Variants in ELAVL4 observed in about 807,000 individuals in gnomAD.
The protein encoded by ELAVL4 is ELAV-like protein 4.
In ELAVL4, 1 loss-of-function variant was observed where a neutral mutation model predicts 35.6. That is an observed-to-expected ratio of 0.03 (90% confidence interval 0.01 to 0.13). ELAVL4 has a LOEUF of 0.13. ELAVL4 is among the 10% of genes least tolerant of loss of function. The probability of loss-of-function intolerance (pLI) is 1.00; values close to 1 mark genes in which losing one functional copy is unlikely to be tolerated. For synonymous variants in ELAVL4, 156 were observed against 171.0 expected (o/e 0.91, Z 0.69); for missense variants, 267 against 464.9 (o/e 0.57, Z 3.91).
chr1:50,117,985 G>C (rs1275420242), intron 1 of ELAVL4, among the ~76,000 whole-genome samples: 1 of 152,030 alleles, frequency 6.6e-6, no homozygotes, highest in Non-Finnish European at 1.5e-5. Flanking sequence ...GAATTCACTT[G>C]GGATTTAGTT....
intron 2 of ELAVL4, chr1:50,174,261 C>T (rs1679573060): frequency 6.6e-6 from 1 of 152,116 alleles, no homozygotes; most frequent in Admixed American, 6.5e-5. Context: ...TGGTGAGAAG[C>T]ATGTTAAGAA....
chr1:50,149,329 C>T (rs937326671), intron 2 of ELAVL4, among the ~76,000 whole-genome samples: 4 of 150,796 alleles, frequency 2.7e-5, no homozygotes, highest in Admixed American at 6.6e-5. Flanking sequence ...ATCTGGGAGG[C>T]GGAGGTTGCA....
chr1:50,130,914 A>C (rs1405030974), intron 1 of ELAVL4, among the ~76,000 whole-genome samples: 1 of 152,194 alleles, frequency 6.6e-6, no homozygotes, highest in Non-Finnish European at 1.5e-5. Context: ...ATATACCTGT[A>C]ACTAAAGAAA....
chr1:50,126,349 A>G (rs1669912933), intron 1 of ELAVL4, among the ~76,000 whole-genome samples: 1 of 152,132 alleles, frequency 6.6e-6, no homozygotes. Flanking sequence ...CTCTGTGAAG[A>G]AAAGCACTTG....
intron 2 of ELAVL4, among the ~76,000 whole-genome samples, chr1:50,161,522 A>G (rs1229600720): frequency 1.3e-5 from 2 of 152,092 alleles, no homozygotes; most frequent in East Asian, 3.9e-4. Context: ...ACCAGCTTTT[A>G]TCTTACAAAT....
chr1:50,056,656 G>T (rs753661747), intron 1 of ELAVL4, among the ~76,000 whole-genome samples: 2 of 152,288 alleles, frequency 1.3e-5, no homozygotes, highest in African/African-American at 4.8e-5. Flanking sequence ...ATGTACACCG[G>T]CCGGGTGAGG....
At chr1:50,098,337 C>G (rs1185254245) in intron 1 of ELAVL4, among the ~76,000 whole-genome samples, 1 of 151,980 alleles carries the variant, frequency 6.6e-6, no homozygotes, top group African/African-American at 2.4e-5. Flanking sequence ...TCTATAATGA[C>G]CTAGGATTAA....
chr1:50,174,145 G>GT (rs1254247196), intron 2 of ELAVL4, among the ~76,000 whole-genome samples: 7 of 152,202 alleles, frequency 4.6e-5, no homozygotes, highest in East Asian at 3.9e-4. Flanking sequence ...TAAAGCTTGG[G>GT]TTTTTTTATT....
chr1:50,146,167 TA>T (rs1049865510), intron 2 of ELAVL4, among the ~76,000 whole-genome samples: 14 of 143,938 alleles, frequency 9.7e-5, no homozygotes, highest in African/African-American at 2.3e-4. Flanking sequence ...TTTTTTTTTT[TA>T]AAAAGGAAGC....
Position 50,073,524 on chromosome 1 carries a change from A to G in ELAVL4, c.18+25342A>G, listed in dbSNP as rs558941874. ...TGTTGAGGTCTGCAAGATGCTAAAT[A>G]AGGATTCGAGTAAAATGCTTTGCAA... On this transcript the variant is annotated intron_variant, in intron 1 of 6. Coordinates refer to the ELAVL4 transcript ENST00000448907. Among the ~76,000 whole-genome samples, 7 of 152,278 alleles carry G rather than the reference A, an allele frequency of 4.6e-5. No homozygotes were observed. In the South Asian group the frequency reaches 1.5e-3, roughly 32 times the overall value.
chr1:50,107,976 A>C (rs1398122420), upstream of ELAVL4, among the ~76,000 whole-genome samples: 2 of 152,248 alleles, frequency 1.3e-5, no homozygotes, highest in African/African-American at 2.4e-5. Context: ...GGAGAGAAGC[A>C]AAATCACTTA....
chr1:50,173,231 A>T (rs1487630483), intron 2 of ELAVL4, among the ~76,000 whole-genome samples: 1 of 152,196 alleles, frequency 6.6e-6, no homozygotes, highest in Non-Finnish European at 1.5e-5. Context: ...AATTATTATA[A>T]CAGAATAAAG....
At chr1:50,153,456 T>C (rs1192478898) in intron 2 of ELAVL4, among the ~76,000 whole-genome samples, 2 of 152,240 alleles carry the variant, frequency 1.3e-5, no homozygotes, top group East Asian at 1.9e-4. Context: ...GGTTAGGGCA[T>C]CTGACTGCAA....
chr1:50,195,477 A>G (rs1643991475), intron 4 of ELAVL4, 84 bp from the exon 5 acceptor site: 2 of 1,485,866 alleles, frequency 1.3e-6, no homozygotes, highest in Non-Finnish European at 1.9e-6. Flanking sequence ...TCCTCACACA[A>G]TATCCACAGG....
intron 2 of ELAVL4, among the ~76,000 whole-genome samples, chr1:50,159,039 C>CAAA (rs57361277): frequency 2.7e-5 from 2 of 74,892 alleles, no homozygotes; most frequent in Admixed American, 1.5e-4. Flanking sequence ...GACTCCTTCT[C>CAAA]AAAAAAAAAA....
chr1:50,057,436 A>C (rs1324998573), intron 1 of ELAVL4, among the ~76,000 whole-genome samples: 1 of 152,234 alleles, frequency 6.6e-6, no homozygotes, highest in African/African-American at 2.4e-5. Context: ...ACAGTAGTGT[A>C]CAGTAATGTC....
intron 1 of ELAVL4, among the ~76,000 whole-genome samples, chr1:50,067,084 T>C (rs1405053785): frequency 2.0e-5 from 3 of 152,148 alleles, no homozygotes; most frequent in African/African-American, 7.2e-5. Flanking sequence ...TGCATGTTTT[T>C]TAAAGGTTTT....
intron 3 of ELAVL4, among the ~76,000 whole-genome samples, chr1:50,182,263 A>C (rs1681152506): frequency 6.6e-6 from 1 of 152,256 alleles, no homozygotes; most frequent in Admixed American, 6.5e-5. Flanking sequence ...CGTTTACCAA[A>C]GTTTTGGATT....
At chr1:50,071,842 T>C (rs1398597649) in intron 1 of ELAVL4, among the ~76,000 whole-genome samples, 1 of 152,146 alleles carries the variant, frequency 6.6e-6, no homozygotes, top group African/African-American at 2.4e-5. Context: ...AGAGGCTCCC[T>C]ACCACATAAG....
Sources: allele counts gnomAD v4.1 joint callset (sites outside exome capture counted in the v4.1 genomes callset), GRCh38; gene constraint gnomAD v4.1.1; transcripts MANE v1.5; gene names NCBI Gene and HGNC (gene_info 2026-07-23, HGNC 2026-07-21).